MCPH1: variants seen among roughly 807,000 people sequenced by gnomAD.
MCPH1 encodes microcephalin 1.
A neutral mutation model predicts 84.5 loss-of-function variants in MCPH1; 104 were observed. The observed-to-expected ratio is 1.23, with a 90% CI of 1.05 to 1.45. MCPH1 has a LOEUF of 1.45. Among genes scored for constraint, MCPH1 ranks in the 40% most tolerant of loss-of-function variants. The pLI, the probability that MCPH1 is intolerant of heterozygous loss-of-function variation, is 0.00. For synonymous variants in MCPH1, 514 were observed against 366.8 expected (o/e 1.40, Z -4.58); for missense variants, 1,498 against 1,005.7 (o/e 1.49, Z -6.62).
chr8:6,461,286 A>G (rs1258292967), intron 9 of MCPH1, among the ~76,000 whole-genome samples: 2 of 143,318 alleles, frequency 1.4e-5, no homozygotes, highest in African/African-American at 2.7e-5. Context: ...GTTTTTTTTT[A>G]GACTTATTTT....
chr8:6,505,686 A>G, intron 12 of MCPH1, among the ~76,000 whole-genome samples: 1 of 114,640 alleles, frequency 8.7e-6, no homozygotes. Context: ...TTACATATAT[A>G]GAATATATGT....
In MCPH1 at chr8:6,445,170, G is replaced by T. The variant is rs1804111132; in HGVS notation, c.1448G>T (p.Ser483Ile). 1 of 1,614,094 alleles carries T rather than the reference G, an allele frequency of 6.2e-7. No individual in the cohort carries two copies. The highest frequency in any genetic ancestry group is 1.7e-5 in the Admixed American group (1 of 60,002). The change falls in exon 8 of 14, where the codon AGT becomes ATT. Residue 483 changes from serine (S) to isoleucine (I), a missense_variant. Ser to Ile is a moderately radical substitution (Grantham distance 142). Transcript: ENST00000344683. ...AATTTCACAGCAAAAACCATCTCCA[G>T]TCCTCGGAAAACTGGAAATGGTGAA... is the stretch of plus-strand genomic sequence containing the variant. Reference protein sequence around the residue: ...ITNFTAKTISSPRKTGNGEGR... With the variant: ...ITNFTAKTISIPRKTGNGEGR...
intron 12 of MCPH1, 42 bp downstream of exon 12, chr8:6,499,971 G>T (rs754275751): frequency 6.5e-7 from 1 of 1,536,298 alleles, no homozygotes; most frequent in South Asian, 1.1e-5. Flanking sequence ...GCAGTTTGCT[G>T]TTCTCAAGAA....
At chr8:6,556,725 C>T (rs1824675480) in intron 12 of MCPH1, among the ~76,000 whole-genome samples, 1 of 152,062 alleles carries the variant, frequency 6.6e-6, no homozygotes, top group South Asian at 2.1e-4. Flanking sequence ...GCAATCCTCC[C>T]ACCTCAGCCT....
intron 12 of MCPH1, among the ~76,000 whole-genome samples, chr8:6,614,057 C>T (rs114908344): frequency 0.01 from 1,559 of 152,220 alleles, 25 homozygotes; most frequent in African/African-American, 0.034. Flanking sequence ...CAGTTAATGC[C>T]GACTTTGATG....
At chr8:6,420,264 C>T (rs1244345109) in intron 3 of MCPH1, among the ~76,000 whole-genome samples, 1 of 152,022 alleles carries the variant, frequency 6.6e-6, no homozygotes, top group African/African-American at 2.4e-5. Context: ...TGTGTGGGTT[C>T]TCTGTTGTGG....
intron 12 of MCPH1, among the ~76,000 whole-genome samples, chr8:6,524,283 T>C (rs1817928129): frequency 6.6e-6 from 1 of 152,234 alleles, no homozygotes; most frequent in African/African-American, 2.4e-5. Flanking sequence ...AGAATTATTT[T>C]CTGTCTACTA....
chr8:6,497,721 T>C (rs1345673069), intron 11 of MCPH1, among the ~76,000 whole-genome samples: 1 of 152,184 alleles, frequency 6.6e-6, no homozygotes, highest in African/African-American at 2.4e-5. Flanking sequence ...AGGAGGTGTA[T>C]GGGAGCTCTC....
chr8:6,598,464 C>T (rs925642440), intron 12 of MCPH1, among the ~76,000 whole-genome samples: 31 of 152,222 alleles, frequency 2.0e-4, no homozygotes, highest in African/African-American at 7.0e-4. Flanking sequence ...GGGTGGGGGG[C>T]GGTCGTGAGG....
rs900784347 is a variant in MCPH1, at chr8:6,430,093, C to A, written c.234-1406C>A. On this transcript the variant is annotated intron_variant, in intron 3 of 13. Transcript: ENST00000344683. ...ATGGAAGATCTGTGTCCTCCCACATCTGCCTCCTTGTCAGAGTTGAGTCTG... is the reference window on the plus strand; with the variant it reads ...ATGGAAGATCTGTGTCCTCCCACATATGCCTCCTTGTCAGAGTTGAGTCTG... Among the ~76,000 whole-genome samples the A allele has an allele frequency of 1.4e-4, 21 of 152,356 alleles. 2 individuals carry two copies. The highest frequency in any genetic ancestry group is 4.8e-4 in the African/African-American group (20 of 41,578).
chr8:6,409,345 C>T lies in MCPH1; in HGVS notation c.89C>T (p.Thr30Ile), dbSNP rs1243093531. 1.1e-5 allele frequency: 17 copies of T among 1,613,750 alleles called. No individual in the cohort carries two copies. Among genetic ancestry groups the T allele is most frequent in the South Asian group, 5.5e-5 (5 of 91,088 alleles). Residue 30 changes from threonine to isoleucine, a missense_variant, in exon 2 of 14, where the codon ACA becomes ATA. Coordinates refer to ENST00000344683, the MANE Select transcript of MCPH1 (RefSeq NM_024596.5). Reference sequence around the variant, plus strand: ...GAAAATTATTCAAAGACATTTACAACACAGCTTGTGGATATGGGGGCAAAG... The same window carrying T: ...GAAAATTATTCAAAGACATTTACAATACAGCTTGTGGATATGGGGGCAAAG... ...GTENYSKTFT[T>I]QLVDMGAKVS...
intron 12 of MCPH1, among the ~76,000 whole-genome samples, chr8:6,580,439 G>A (rs1303127008): frequency 2.0e-5 from 3 of 152,128 alleles, no homozygotes; most frequent in African/African-American, 7.2e-5. Flanking sequence ...GGCAGATCAC[G>A]AGGCCAGGAG....
chr8:6,488,173 G>A lies in MCPH1; in HGVS notation c.2136+7297G>A, dbSNP rs919204451. On this transcript the variant is annotated intron_variant, in intron 11 of 13. Transcript: ENST00000344683. ...GGCTGCGGCAGCGTGGCCTCTGGCCGCTGGGAGCATGGGAAGCAGGCGCTG... is the reference window on the plus strand; with the variant it reads ...GGCTGCGGCAGCGTGGCCTCTGGCCACTGGGAGCATGGGAAGCAGGCGCTG... Among the ~76,000 whole-genome samples, 169 of 152,336 alleles carry A rather than the reference G, an allele frequency of 1.1e-3. 1 individual carries two copies. The highest frequency in any genetic ancestry group is 3.8e-3 in the African/African-American group (156 of 41,580).
intron 3 of MCPH1, among the ~76,000 whole-genome samples, chr8:6,430,906 TAAG>T (rs1801741578): frequency 6.6e-6 from 1 of 152,102 alleles, no homozygotes; most frequent in East Asian, 1.9e-4. Context: ...GACAGAATGC[TAAG>T]AAGGAGATAA....
In MCPH1 at chr8:6,418,982, C is replaced by T. The variant is rs1373311; in HGVS notation, c.233+4099C>T. Among the ~76,000 whole-genome samples, 265 of 152,206 alleles carry T rather than the reference C, an allele frequency of 1.7e-3. 3 individuals are homozygous for T. Among genetic ancestry groups the T allele is most frequent in the Non-Finnish European group, 1.4e-3 (95 of 68,004 alleles). On this transcript the variant is annotated intron_variant, in intron 3 of 13. Coordinates refer to ENST00000344683, the MANE Select transcript of MCPH1 (RefSeq NM_024596.5). ...CAACAGATTCAGGTCTATATTTCTG[C>T]AAAAGTTTCTGGGATTATAGTTTTA...
intron 3 of MCPH1, among the ~76,000 whole-genome samples, chr8:6,427,939 C>A (rs187728382): frequency 6.6e-6 from 1 of 151,822 alleles, no homozygotes; most frequent in Admixed American, 6.6e-5. Context: ...ATTACAGGCA[C>A]GCACCACCAC....
At chr8:6,523,636 C>T (rs916948506) in intron 12 of MCPH1, among the ~76,000 whole-genome samples, 3 of 152,130 alleles carry the variant, frequency 2.0e-5, no homozygotes, top group African/African-American at 7.2e-5. Flanking sequence ...GTGGCCTGGG[C>T]TGTTGTGCAG....
In MCPH1 at chr8:6,518,173, C is replaced by T. The variant is rs1464858512; in HGVS notation, c.2214+18244C>T. ...CAATGTGATGGGGCTGCATGGTTAG[C>T]GGCTGTCCCTCTGCATCGGTGTCCA... On this transcript the variant is annotated intron_variant, in intron 12 of 13. Coordinates refer to ENST00000344683, the MANE Select transcript of MCPH1 (RefSeq NM_024596.5). 3.3e-5 allele frequency among the ~76,000 whole-genome samples: 5 copies of T among 152,200 alleles called. No homozygotes were observed. In the East Asian group the frequency reaches 5.8e-4, roughly 18 times the overall value.
At chr8:6,599,437 T>C (rs780668158) in intron 12 of MCPH1, among the ~76,000 whole-genome samples, 4 of 152,236 alleles carry the variant, frequency 2.6e-5, no homozygotes, top group African/African-American at 4.8e-5. Context: ...TCCATTATTC[T>C]CACCGTGATG....
Sources: gnomAD v4.1 joint callset for allele counts (sites outside exome capture counted in the v4.1 genomes callset) on GRCh38, gnomAD v4.1.1 for gene constraint, MANE v1.5 for transcripts, NCBI Gene and HGNC (gene_info 2026-07-23, HGNC 2026-07-21) for gene names.